The following TMTC1 variants were observed in gnomAD, a reference collection of about 807,000 sequenced individuals.
TMTC1 encodes protein O-mannosyl-transferase TMTC1.
In TMTC1, 73 loss-of-function variants were observed where a neutral mutation model predicts 104.8. That is an observed-to-expected ratio of 0.70 (90% CI 0.58 to 0.85). TMTC1 has a LOEUF of 0.85. TMTC1 is among the 40% of genes least tolerant of loss of function. The pLI is 0.00. For synonymous variants in TMTC1, 434 were observed against 428.7 expected (o/e 1.01, Z -0.15); for missense variants, 1,035 against 1,096.1 (o/e 0.94, Z 0.79).
intron 9 of TMTC1, among the ~76,000 whole-genome samples, chr12:29,570,498 T>C (rs960740395): frequency 1.3e-5 from 2 of 152,228 alleles, no homozygotes; most frequent in African/African-American, 4.8e-5. Flanking sequence ...ATAATTCTTG[T>C]AATATTTGGG....
intron 5 of TMTC1, among the ~76,000 whole-genome samples, chr12:29,664,472 C>CTT (rs1565751445): frequency 5.9e-5 from 9 of 152,112 alleles, no homozygotes; most frequent in Non-Finnish European, 1.3e-4. Context: ...ATCTTTTCCT[C>CTT]TTCCCCTACC....
intron 5 of TMTC1, among the ~76,000 whole-genome samples, chr12:29,747,094 T>G (rs1260105824): frequency 6.6e-6 from 1 of 152,204 alleles, no homozygotes; most frequent in African/African-American, 2.4e-5. Context: ...CATTGTCATT[T>G]AAATATGAAA....
At chr12:29,630,185 TA>T (rs537004608) in intron 6 of TMTC1, among the ~76,000 whole-genome samples, 1 of 152,232 alleles carries the variant, frequency 6.6e-6, no homozygotes, top group Non-Finnish European at 1.5e-5. Flanking sequence ...AGTTTGTTTT[TA>T]TGCTGCTATG....
chr12:29,659,812 C>T, intron 5 of TMTC1: 2 of 1,194,602 alleles, frequency 1.7e-6, no homozygotes, highest in Non-Finnish European at 2.3e-6. Flanking sequence ...GCAAAGTCAG[C>T]CTGTAATTTA....
intron 5 of TMTC1, among the ~76,000 whole-genome samples, chr12:29,671,563 TACA>T (rs10558578): frequency 0.14 from 21,093 of 152,126 alleles, 1,752 homozygotes; most frequent in East Asian, 0.35. Context: ...TTTAAGTGCA[TACA>T]ACAACGACAA....
intron 5 of TMTC1, among the ~76,000 whole-genome samples, chr12:29,688,733 A>G (rs79822186): frequency 0.019 from 2,850 of 152,312 alleles, 35 homozygotes; most frequent in Non-Finnish European, 0.028. Flanking sequence ...TACCCATTTC[A>G]TAGAGCAGAA....
intron 5 of TMTC1, among the ~76,000 whole-genome samples, chr12:29,656,667 A>C (rs1449367261): frequency 6.6e-6 from 1 of 152,172 alleles, no homozygotes; most frequent in African/African-American, 2.4e-5. Flanking sequence ...CTATTCCATC[A>C]CTTTTTATTA....
intron 6 of TMTC1, among the ~76,000 whole-genome samples, chr12:29,618,671 CA>C (rs1455557478): frequency 1.3e-5 from 2 of 151,976 alleles, no homozygotes; most frequent in Non-Finnish European, 2.9e-5. Flanking sequence ...AAGAATCTGA[CA>C]GTCAATCACT....
intron 6 of TMTC1, among the ~76,000 whole-genome samples, chr12:29,629,484 T>C (rs2136492722): frequency 6.6e-6 from 1 of 152,318 alleles, no homozygotes. Flanking sequence ...CAGAGGGCAC[T>C]TGTAGTCAGG....
At position 29,735,887 on chromosome 12, in the gene TMTC1, C is replaced by T. The variant is rs1228644294; in HGVS notation, c.938+15779G>A. Among the ~76,000 whole-genome samples, 3 of 152,262 alleles carry T rather than the reference C, an allele frequency of 2.0e-5. No individual in the cohort carries two copies. In the East Asian group the frequency reaches 5.8e-4, roughly 29 times the overall value. Reference sequence around the variant, plus strand: ...AAAAAAGACAAATCTCTGAGTCAGCCTTGCATAATTTGGGGCTTGGGAAAA... The same window carrying T: ...AAAAAAGACAAATCTCTGAGTCAGCTTTGCATAATTTGGGGCTTGGGAAAA... On this transcript the variant is annotated intron_variant, in intron 5 of 17. Coordinates refer to ENST00000539277, the MANE Select transcript of TMTC1 (RefSeq NM_001193451.2).
At chr12:29,625,192 A>T (rs1184532963) in intron 6 of TMTC1, among the ~76,000 whole-genome samples, 3 of 152,218 alleles carry the variant, frequency 2.0e-5, no homozygotes, top group Non-Finnish European at 2.9e-5. Context: ...AACACAGAAC[A>T]ATGTCCATAA....
chr12:29,631,746 AT>A (rs960266089), intron 6 of TMTC1, among the ~76,000 whole-genome samples: 2 of 152,194 alleles, frequency 1.3e-5, no homozygotes, highest in Non-Finnish European at 2.9e-5. Flanking sequence ...GTTTGAATAC[AT>A]TTGATGAGTT....
At chr12:29,727,656 G>A (rs957634041) in intron 5 of TMTC1, among the ~76,000 whole-genome samples, 4 of 152,168 alleles carry the variant, frequency 2.6e-5, no homozygotes, top group African/African-American at 7.2e-5. Context: ...AATTACAGGC[G>A]TGAGCCACCG....
intron 8 of TMTC1, among the ~76,000 whole-genome samples, chr12:29,576,076 A>G (rs927615404): frequency 6.6e-5 from 10 of 152,130 alleles, no homozygotes; most frequent in African/African-American, 2.4e-4. Context: ...TCCTTTGCTC[A>G]TTTTGAATCA....
At chr12:29,607,054 G>A (rs1946721097) in intron 6 of TMTC1, among the ~76,000 whole-genome samples, 1 of 152,086 alleles carries the variant, frequency 6.6e-6, no homozygotes, top group Non-Finnish European at 1.5e-5. Flanking sequence ...GGAGATGGGG[G>A]GAGAGTCAAG....
Position 29,692,764 on chromosome 12 carries a change from A to C in TMTC1, c.938+58902T>G, listed in dbSNP as rs1346061125. Among the ~76,000 whole-genome samples, 8 of 145,678 alleles carry C rather than the reference A, an allele frequency of 5.5e-5. 1 individual carries two copies. In the Admixed American group the frequency reaches 5.7e-4, roughly 10 times the overall value. On this transcript the variant is annotated intron_variant, in intron 5 of 17. Coordinates refer to ENST00000539277, the MANE Select transcript of TMTC1 (RefSeq NM_001193451.2). ...AATGTCCACTTACAGGTGAATGGAT[A>C]AACAAAACATTTATAAACAAAATAC...
At chr12:29,660,246 C>T (rs183105726) in intron 5 of TMTC1, among the ~76,000 whole-genome samples, 16 of 152,284 alleles carry the variant, frequency 1.1e-4, no homozygotes, top group African/African-American at 3.9e-4. Context: ...GTCTTGACTA[C>T]CCCTCTGGAA....
chr12:29,645,007 C>A (rs1277138122), intron 5 of TMTC1, among the ~76,000 whole-genome samples: 1 of 152,172 alleles, frequency 6.6e-6, no homozygotes, highest in Non-Finnish European at 1.5e-5. Flanking sequence ...CTGTAACTGT[C>A]CATGAATGTG....
intron 5 of TMTC1, chr12:29,661,231 T>A: frequency 2.6e-6 from 1 of 378,588 alleles, no homozygotes; most frequent in Non-Finnish European, 3.6e-6. Flanking sequence ...TCCCATCGAA[T>A]CCCAAATAAC....
Sources: gnomAD v4.1 joint callset for allele counts (sites outside exome capture counted in the v4.1 genomes callset) on GRCh38, gnomAD v4.1.1 for gene constraint, MANE v1.5 for transcripts, NCBI Gene and HGNC (gene_info 2026-07-23, HGNC 2026-07-21) for gene names.